LRRTM4: variants seen among roughly 807,000 people sequenced by gnomAD.
The protein encoded by LRRTM4 is leucine rich repeat transmembrane neuronal 4.
A neutral mutation model predicts 47.6 loss-of-function variants in LRRTM4; 25 were observed. That is an observed-to-expected ratio of 0.53 (90% confidence interval 0.38 to 0.73). The LOEUF (loss-of-function observed/expected upper bound fraction) is 0.73, where lower values mean the gene tolerates loss of function less well. Ranked by LOEUF, LRRTM4 falls within the 30% of genes least tolerant of loss-of-function variation. The probability of loss-of-function intolerance (pLI) is 0.00; values close to 1 mark genes in which losing one functional copy is unlikely to be tolerated. For missense variants in LRRTM4, 638 were observed against 713.4 expected (o/e 0.89, Z 1.20); for synonymous variants, 311 against 269.5 (o/e 1.15, Z -1.51).
At chr2:77,080,488 T>C (rs1448266726) in intron 3 of LRRTM4, among the ~76,000 whole-genome samples, 1 of 152,158 alleles carries the variant, frequency 6.6e-6, no homozygotes, top group Non-Finnish European at 1.5e-5. Context: ...CATCTACCCT[T>C]GATAATCTAA....
intron 3 of LRRTM4, among the ~76,000 whole-genome samples, chr2:76,922,716 C>T (rs922871466): frequency 6.6e-6 from 1 of 151,930 alleles, no homozygotes; most frequent in Non-Finnish European, 1.5e-5. Flanking sequence ...ATGGGTGCTA[C>T]AACTAATAAT....
chr2:77,450,243 C>T (rs1425411820), intron 3 of LRRTM4, among the ~76,000 whole-genome samples: 5 of 151,364 alleles, frequency 3.3e-5, no homozygotes, highest in Non-Finnish European at 7.4e-5. Context: ...AATATTAAAA[C>T]TCTCCTCTTT....
chr2:77,350,358 A>C (rs1056024395), intron 3 of LRRTM4, among the ~76,000 whole-genome samples: 4 of 148,200 alleles, frequency 2.7e-5, no homozygotes, highest in Admixed American at 6.7e-5. Context: ...AAAAAAAAAA[A>C]AAAAAGAAAT....
chr2:77,007,378 G>C (rs1040609441), intron 3 of LRRTM4, among the ~76,000 whole-genome samples: 1 of 152,094 alleles, frequency 6.6e-6, no homozygotes, highest in Non-Finnish European at 1.5e-5. Context: ...AATTTAAAAA[G>C]ATCAATATGA....
chr2:77,015,322 T>A (rs1293640983), intron 3 of LRRTM4, among the ~76,000 whole-genome samples: 1 of 152,116 alleles, frequency 6.6e-6, no homozygotes, highest in African/African-American at 2.4e-5. Context: ...GAGGAAGTTG[T>A]ACTTTATTTA....
intron 3 of LRRTM4, among the ~76,000 whole-genome samples, chr2:77,342,875 A>G (rs967023157): frequency 6.6e-6 from 1 of 151,850 alleles, no homozygotes; most frequent in Non-Finnish European, 1.5e-5. Context: ...TATGCCATGA[A>G]CTACAATTAG....
chr2:76,785,856 CCAGACCTG>C (rs1222921608), intron 3 of LRRTM4, among the ~76,000 whole-genome samples: 14 of 152,192 alleles, frequency 9.2e-5, no homozygotes, highest in African/African-American at 3.1e-4. Flanking sequence ...CAAGGATCAG[CCAGACCTG>C]CAGAGTTGCC....
intron 3 of LRRTM4, among the ~76,000 whole-genome samples, chr2:77,258,388 G>A (rs1280867557): frequency 2.0e-5 from 3 of 151,982 alleles, no homozygotes; most frequent in Non-Finnish European, 1.5e-5. Flanking sequence ...TTTTGTATTG[G>A]TGGTTTCATG....
intron 3 of LRRTM4, among the ~76,000 whole-genome samples, chr2:77,456,357 T>G (rs1430513541): frequency 3.3e-5 from 5 of 152,190 alleles, no homozygotes; most frequent in Non-Finnish European, 7.3e-5. Flanking sequence ...TTGTTTTCCT[T>G]TTATCAAATA....
At chr2:77,220,518 T>C (rs1217355957) in intron 3 of LRRTM4, among the ~76,000 whole-genome samples, 1 of 152,144 alleles carries the variant, frequency 6.6e-6, no homozygotes, top group Admixed American at 6.5e-5. Context: ...AAAGGACCTG[T>C]TGGAGCTGAA....
chr2:76,748,167 G>A lies in LRRTM4; in HGVS notation c.*528C>T, dbSNP rs148312893. The A allele has an allele frequency of 6.6e-6, 1 of 152,346 alleles. No individual in the cohort carries two copies. The highest frequency in any genetic ancestry group is 1.5e-5 in the Non-Finnish European group (1 of 68,598). 9.4% of individuals were successfully genotyped at this position (152,346 alleles called of 1,614,324 possible). On this transcript the variant is annotated 3_prime_UTR_variant, in exon 4 of 4. Transcript: ENST00000409884. ...TGTTTTGTATTAGAAACTTGACCAG[G>A]AAAGAAAAAAATTAAAACAAACAAA... is the stretch of plus-strand genomic sequence containing the variant.
intron 3 of LRRTM4, among the ~76,000 whole-genome samples, chr2:77,218,301 C>CT (rs1352698121): frequency 1.3e-5 from 2 of 152,112 alleles, no homozygotes; most frequent in South Asian, 4.2e-4. Context: ...GCTGAGGTCT[C>CT]TTTTTTTCTA....
intron 3 of LRRTM4, among the ~76,000 whole-genome samples, chr2:76,907,356 A>T (rs1673881500): frequency 6.6e-6 from 1 of 151,440 alleles, no homozygotes; most frequent in Non-Finnish European, 1.5e-5. Flanking sequence ...TGTAAAGGGA[A>T]ATTTATAGCA....
At chr2:77,011,153 A>C (rs1174290700) in intron 3 of LRRTM4, among the ~76,000 whole-genome samples, 1 of 152,234 alleles carries the variant, frequency 6.6e-6, no homozygotes, top group Non-Finnish European at 1.5e-5. Context: ...TGTCTTAGTA[A>C]AAAGAAAGAG....
At chr2:77,143,772 T>C (rs976855790) in intron 3 of LRRTM4, among the ~76,000 whole-genome samples, 3 of 152,026 alleles carry the variant, frequency 2.0e-5, no homozygotes, top group African/African-American at 7.2e-5. Context: ...ATGGGCAAAA[T>C]CACTAGAGGA....
intron 3 of LRRTM4, among the ~76,000 whole-genome samples, chr2:77,216,681 A>G (rs1674450833): frequency 6.6e-6 from 1 of 152,204 alleles, no homozygotes; most frequent in African/African-American, 2.4e-5. Flanking sequence ...TTTTCAATAG[A>G]AAGGGTAACA....
At chr2:77,166,850 A>G (rs975376527) in intron 3 of LRRTM4, among the ~76,000 whole-genome samples, 1 of 152,122 alleles carries the variant, frequency 6.6e-6, no homozygotes, top group Non-Finnish European at 1.5e-5. Flanking sequence ...AACCATAAAA[A>G]CCCTAGAAGA....
intron 3 of LRRTM4, among the ~76,000 whole-genome samples, chr2:76,840,159 C>T (rs1267566683): frequency 6.6e-6 from 1 of 152,102 alleles, no homozygotes; most frequent in Non-Finnish European, 1.5e-5. Flanking sequence ...AACGTGAAGA[C>T]AGGGGGAGGG....
chr2:77,285,001 A>C (rs1676610485), intron 3 of LRRTM4, among the ~76,000 whole-genome samples: 1 of 152,076 alleles, frequency 6.6e-6, no homozygotes. Flanking sequence ...TAGAAGATGA[A>C]GATTAGAGCA....
Sources: gnomAD v4.1 joint callset for allele counts (sites outside exome capture counted in the v4.1 genomes callset) on GRCh38, gnomAD v4.1.1 for gene constraint, MANE v1.5 for transcripts, NCBI Gene and HGNC (gene_info 2026-07-23, HGNC 2026-07-21) for gene names.